LRRC4B: variants seen among roughly 807,000 people sequenced by gnomAD.
LRRC4B encodes leucine-rich repeat-containing protein 4B.
Under a neutral mutation model 7.3 loss-of-function variants are expected in LRRC4B, and 1 was observed. The ratio of observed to expected loss-of-function variants is 0.14; its 90% confidence interval spans 0.05 to 0.65. The LOEUF (loss-of-function observed/expected upper bound fraction) is 0.65. Ranked by LOEUF, LRRC4B falls within the 30% of genes least tolerant of loss-of-function variation. The pLI is 0.84. For synonymous variants in LRRC4B, 500 were observed against 499.2 expected (o/e 1.00, Z -0.02); for missense variants, 730 against 1,041.6 (o/e 0.70, Z 4.12).
At chr19:50,543,542 A>G (rs538619448) in intron 2 of LRRC4B, among the ~76,000 whole-genome samples, 9 of 152,172 alleles carry the variant, frequency 5.9e-5, no homozygotes, top group African/African-American at 1.4e-4. Context: ...GGTGTTGTTC[A>G]TATCAACTCA....
chr19:50,552,898 G>A (rs1333610058), intron 1 of LRRC4B, among the ~76,000 whole-genome samples: 3 of 152,194 alleles, frequency 2.0e-5, no homozygotes, highest in Admixed American at 1.3e-4. Context: ...TCGAGAGTGG[G>A]GCACATTGGT....
At chr19:50,531,683 C>T (rs765907031) in intron 2 of LRRC4B, among the ~76,000 whole-genome samples, 1 of 152,168 alleles carries the variant, frequency 6.6e-6, no homozygotes, top group Non-Finnish European at 1.5e-5. Flanking sequence ...TGCTGAGCAG[C>T]CTCGTGGGGG....
chr19:50,534,976 C>G (rs1981201290), intron 2 of LRRC4B, among the ~76,000 whole-genome samples: 1 of 152,002 alleles, frequency 6.6e-6, no homozygotes, highest in Admixed American at 6.6e-5. Context: ...TCAAGTGATT[C>G]TCCTGCCTCA....
rs1378185465 is a variant in LRRC4B at position 50,518,321 on chromosome 19, G to C, written c.1392C>G (p.Thr464=). Residue 464 remains threonine (T), a synonymous_variant, in exon 3 of 3, where the codon ACC becomes ACG. Transcript: ENST00000652263. ...CCCCAGGGCCGCCCCCGCCGCTGCC[G>C]GTGCCCCCGGCCGCCACGGGGTCCA... is the stretch of plus-strand genomic sequence containing the variant. ...SAVDPVAAGG[T]GSGGGGPGGS... 6.2e-7 allele frequency: 1 copy of C among 1,605,666 alleles called. No homozygotes were observed. The highest frequency in any genetic ancestry group is 8.5e-7 in the Non-Finnish European group (1 of 1,177,102).
chr19:50,537,612 C>T lies in LRRC4B; in HGVS notation c.297+10930G>A, dbSNP rs1599770623. ...TCAGGGGCCATGTGGCTTTGCAGGA[C>T]GCCAAGCAATTCTACGCCTTTGTCA... is the stretch of plus-strand genomic sequence containing the variant. On this transcript the variant is annotated intron_variant, in intron 2 of 2. Transcript: ENST00000652263. The surrounding 1 kb of genome is among the most constrained non-coding windows in gnomAD (Gnocchi z 5.5). 1.3e-5 allele frequency among the ~76,000 whole-genome samples: 2 copies of T among 152,156 alleles called. No individual in the cohort carries two copies. Among genetic ancestry groups the T allele is most frequent in the South Asian group, 2.1e-4 (1 of 4,826 alleles).
At chr19:50,558,095 T>C (rs974568987) in intron 1 of LRRC4B, 8 of 152,076 alleles carry the variant, frequency 5.3e-5, no homozygotes, top group African/African-American at 1.4e-4. Flanking sequence ...CAGAACACTA[T>C]TAGGAGTTAA....
At position 50,548,021 on chromosome 19, in the gene LRRC4B, G is replaced by A. The variant is rs974407869; in HGVS notation, c.297+521C>T. 6.6e-6 allele frequency among the ~76,000 whole-genome samples: 1 copy of A among 152,054 alleles called. No individual in the cohort carries two copies. Among genetic ancestry groups the A allele is most frequent in the Non-Finnish European group, 1.5e-5 (1 of 68,012 alleles). ...AACGCCTCCTGTCCTCTGACCACTC[G>A]CCAGGTGCCAGCACACAAGCTAACG... On this transcript the variant is annotated intron_variant, in intron 2 of 2. Transcript: ENST00000652263. This position sits in a 1 kb window ranked among gnomAD's most constrained non-coding sequence, Gnocchi z 6.8.
At chr19:50,536,287 C>G (rs565424022) in intron 2 of LRRC4B, among the ~76,000 whole-genome samples, 1 of 152,150 alleles carries the variant, frequency 6.6e-6, no homozygotes, top group Non-Finnish European at 1.5e-5. Context: ...TAACACATCA[C>G]CACACCTGGC....
At position 50,517,887 on chromosome 19, in the gene LRRC4B, T is replaced by G; in HGVS notation, c.1826A>C (p.His609Pro). The G allele has an allele frequency of 6.3e-7, 1 of 1,594,818 alleles. No homozygotes were observed. Among genetic ancestry groups the G allele is most frequent in the Non-Finnish European group, 8.5e-7 (1 of 1,173,678 alleles). Residue 609 changes from histidine (H) to proline (P), a missense_variant, in exon 3 of 3, where the codon CAC becomes CCC. Physicochemically the swap from His to Pro is moderately conservative, Grantham distance 77 (BLOSUM62 -2). Coordinates refer to ENST00000652263, the MANE Select transcript of LRRC4B (RefSeq NM_001080457.2). The surrounding 1 kb of genome is among the most constrained non-coding windows in gnomAD (Gnocchi z 6.6). ...LRKQHQLHKH[H>P]GPTRTVEIIN... Reference sequence around the variant, plus strand: ...GATCTCCACGGTGCGCGTGGGCCCGTGGTGCTTGTGGAGCTGGTGCTGCTT... The same window carrying G: ...GATCTCCACGGTGCGCGTGGGCCCGGGGTGCTTGTGGAGCTGGTGCTGCTT...
At chr19:50,567,057 G>A (rs1280491981) in intron 1 of LRRC4B, among the ~76,000 whole-genome samples, 2 of 151,050 alleles carry the variant, frequency 1.3e-5, no homozygotes, top group East Asian at 3.9e-4. Context: ...AGGCTGAGGA[G>A]CAGATGCCGT....
intron 1 of LRRC4B, among the ~76,000 whole-genome samples, chr19:50,550,511 A>G (rs1194381146): frequency 6.6e-6 from 1 of 151,752 alleles, no homozygotes; most frequent in African/African-American, 2.4e-5. Context: ...GCTCACCCCC[A>G]GGCACACGGC....
chr19:50,546,967 C>T (rs1423649416), intron 2 of LRRC4B, among the ~76,000 whole-genome samples: 5 of 152,220 alleles, frequency 3.3e-5, no homozygotes, highest in African/African-American at 7.2e-5. Flanking sequence ...TTGCCTGGCT[C>T]GGTCACCACC....
chr19:50,560,070 G>A (rs1014069954), intron 1 of LRRC4B, among the ~76,000 whole-genome samples: 1 of 152,182 alleles, frequency 6.6e-6, no homozygotes, highest in African/African-American at 2.4e-5. Flanking sequence ...GGGAGGCGGA[G>A]GTTGCAGTGA....
At chr19:50,547,323 TC>T (rs143130806) in intron 2 of LRRC4B, among the ~76,000 whole-genome samples, 17,836 of 151,962 alleles carry the variant, frequency 0.12, 1,274 homozygotes, top group African/African-American at 0.19. Flanking sequence ...AAGGGACTGC[TC>T]CCCTGAGAGG....
intron 1 of LRRC4B, among the ~76,000 whole-genome samples, chr19:50,557,050 G>C (rs772721676): frequency 6.6e-6 from 1 of 152,128 alleles, no homozygotes; most frequent in East Asian, 1.9e-4. Flanking sequence ...GGAGCGGCGC[G>C]GCTGGAGGCC....
rs547822255 is a variant in LRRC4B at position 50,563,965 on chromosome 19, G to A, written c.-36+3979C>T. ...AGGCTTGGAGTTAGGGCAAACTGATGGGGGGATGAAGGAGGAGGGGCAGAG... is the reference window on the plus strand; with the variant it reads ...AGGCTTGGAGTTAGGGCAAACTGATAGGGGGATGAAGGAGGAGGGGCAGAG... On this transcript the variant is annotated intron_variant, in intron 1 of 2. Transcript: ENST00000652263. This position sits in a 1 kb window ranked among gnomAD's most constrained non-coding sequence, Gnocchi z 4.9. 2.0e-5 allele frequency among the ~76,000 whole-genome samples: 3 copies of A among 152,270 alleles called. No individual in the cohort carries two copies. The East Asian group carries it at 5.8e-4, about 29-fold the overall frequency.
chr19:50,546,481 C>T (rs998009942), intron 2 of LRRC4B, among the ~76,000 whole-genome samples: 2 of 152,110 alleles, frequency 1.3e-5, no homozygotes, highest in East Asian at 1.9e-4. Flanking sequence ...GTGGACTGGA[C>T]GAACACACCC....
chr19:50,533,422 C>T (rs928771139), intron 2 of LRRC4B, among the ~76,000 whole-genome samples: 1 of 151,588 alleles, frequency 6.6e-6, no homozygotes, highest in Non-Finnish European at 1.5e-5. Context: ...AAATAATACA[C>T]AGACCAAAGA....
At position 50,517,663 on chromosome 19, in the gene LRRC4B, C is replaced by G. The variant is rs747076961; in HGVS notation, c.2050G>C (p.Gly684Arg). The G allele has an allele frequency of 5.3e-6, 8 of 1,518,108 alleles. No individual in the cohort carries two copies. In the African/African-American group the frequency reaches 7.2e-5, roughly 14 times the overall value. 94.0% of individuals were successfully genotyped at this position (1,518,108 alleles called of 1,614,324 possible). ...YSSNPSGGGC[G>R]GKGPPGLNSI... ...TTGAGGCCAGGCGGGCCTTTGCCCCCGCAGCCCCCGCCGCTGGGGTTGCTG... is the reference window on the plus strand; with the variant it reads ...TTGAGGCCAGGCGGGCCTTTGCCCCGGCAGCCCCCGCCGCTGGGGTTGCTG... The change falls in exon 3 of 3, where the codon GGG becomes CGG. Residue 684 changes from glycine to arginine, a missense_variant. Coordinates refer to ENST00000652263, the MANE Select transcript of LRRC4B (RefSeq NM_001080457.2). This position sits in a 1 kb window ranked among gnomAD's most constrained non-coding sequence, Gnocchi z 6.6.
Sources: allele counts gnomAD v4.1 joint callset (sites outside exome capture counted in the v4.1 genomes callset), GRCh38; gene constraint gnomAD v4.1.1; non-coding constraint Gnocchi (gnomAD v3.1); transcripts MANE v1.5; gene names NCBI Gene and HGNC (gene_info 2026-07-23, HGNC 2026-07-21).